The following TRAF3 variants were observed in gnomAD, a reference collection of about 807,000 sequenced individuals.
TRAF3 encodes TNF receptor associated factor 3.
A neutral mutation model predicts 62.3 loss-of-function variants in TRAF3; 13 were observed. That is an observed-to-expected ratio of 0.21 (90% CI 0.14 to 0.33). The LOEUF is 0.33. TRAF3 is among the 10% of genes least tolerant of loss of function. The probability of loss-of-function intolerance (pLI) is 1.00; values close to 1 mark genes in which losing one functional copy is unlikely to be tolerated. For missense variants in TRAF3, 440 were observed against 741.8 expected, an observed-to-expected ratio of 0.59 and a Z score of 4.73; for synonymous variants, 269 against 283.4, an observed-to-expected ratio of 0.95 and a Z score of 0.51.
At chr14:102,788,833 G>A (rs1226489130) in intron 1 of TRAF3, among the ~76,000 whole-genome samples, 3 of 151,782 alleles carry the variant, frequency 2.0e-5, no homozygotes, top group Non-Finnish European at 4.4e-5. Flanking sequence ...TGGGCACAGT[G>A]GCTTGAGCCT....
intron 2 of TRAF3, among the ~76,000 whole-genome samples, chr14:102,838,217 A>C (rs1241514644): frequency 6.6e-6 from 1 of 152,262 alleles, no homozygotes; most frequent in Non-Finnish European, 1.5e-5. Flanking sequence ...TTAATAACTA[A>C]GACCAAATGC....
At chr14:102,838,715 G>C (rs914847937) in intron 2 of TRAF3, among the ~76,000 whole-genome samples, 1 of 152,202 alleles carries the variant, frequency 6.6e-6, no homozygotes, top group African/African-American at 2.4e-5. Context: ...TGGTGAGGGA[G>C]GGGATGCTGA....
chr14:102,859,229 C>T (rs1392801650), intron 2 of TRAF3, among the ~76,000 whole-genome samples: 2 of 149,826 alleles, frequency 1.3e-5, no homozygotes, highest in Non-Finnish European at 3.0e-5. Flanking sequence ...ATGTCTCCTT[C>T]TCTTTTACCA....
chr14:102,888,186 T>G (rs936866569), intron 7 of TRAF3, among the ~76,000 whole-genome samples: 1 of 152,212 alleles, frequency 6.6e-6, no homozygotes, highest in Non-Finnish European at 1.5e-5. Flanking sequence ...GAAGAATACA[T>G]TCCAAGTTTT....
intron 2 of TRAF3, among the ~76,000 whole-genome samples, chr14:102,865,007 G>C (rs1006979481): frequency 1.3e-5 from 2 of 152,196 alleles, no homozygotes; most frequent in African/African-American, 4.8e-5. Flanking sequence ...GGACAGGTAA[G>C]TGTTTATATC....
In TRAF3 at chr14:102,839,647, G is replaced by A. The variant is rs1197808040; in HGVS notation, c.-18+9175G>A. Among the ~76,000 whole-genome samples the A allele has an allele frequency of 3.3e-5, 5 of 152,238 alleles. No individual in the cohort carries two copies. In the South Asian group the frequency reaches 6.2e-4, roughly 19 times the overall value. On this transcript the variant is annotated intron_variant, in intron 2 of 11. Transcript: ENST00000392745. Reference sequence around the variant, plus strand: ...GTCTACCTCATACTGTCAGTGTGTCGCCCAGATACTATATAATTACTCAGT... The same window carrying A: ...GTCTACCTCATACTGTCAGTGTGTCACCCAGATACTATATAATTACTCAGT...
chr14:102,893,668 T>A (rs1032463448), intron 9 of TRAF3, among the ~76,000 whole-genome samples: 2 of 152,142 alleles, frequency 1.3e-5, no homozygotes, highest in African/African-American at 4.8e-5. Flanking sequence ...TGTCAATGCC[T>A]CATGTGTTTA....
chr14:102,853,218 G>A (rs1055693066), intron 2 of TRAF3, among the ~76,000 whole-genome samples: 2 of 151,542 alleles, frequency 1.3e-5, no homozygotes, highest in African/African-American at 4.8e-5. Flanking sequence ...TTTTTTAGAG[G>A]CTGACTGAGT....
chr14:102,881,378 C>T (rs183947753), intron 6 of TRAF3, among the ~76,000 whole-genome samples: 16 of 146,224 alleles, frequency 1.1e-4, no homozygotes, highest in Non-Finnish European at 1.8e-4. Context: ...AGCAAGACTC[C>T]GTCTCAACAA....
At chr14:102,861,815 T>C (rs1351073448) in intron 2 of TRAF3, among the ~76,000 whole-genome samples, 1 of 152,230 alleles carries the variant, frequency 6.6e-6, no homozygotes, top group Admixed American at 6.5e-5. Context: ...TGGACATCTT[T>C]TTATGCGCTT....
chr14:102,870,378 G>T lies in TRAF3; in HGVS notation c.177G>T (p.Val59=). The change falls in exon 3 of 12, where the codon GTG becomes GTT. Residue 59 remains valine, a synonymous_variant. Coordinates refer to ENST00000392745, the MANE Select transcript of TRAF3 (RefSeq NM_145725.3). The part of the protein sequence containing the change: ...DKYKCEKCHL[V]LCSPKQTECG... ...ACAAGTGTGAGAAGTGCCACCTGGT[G>T]CTGTGCAGCCCGAAGCAGACCGAGT... 6.2e-7 allele frequency: 1 copy of T among 1,614,208 alleles called. No individual in the cohort carries two copies.
chr14:102,808,197 G>A (rs924710766), intron 1 of TRAF3, among the ~76,000 whole-genome samples: 4 of 152,082 alleles, frequency 2.6e-5, no homozygotes, highest in South Asian at 2.1e-4. Flanking sequence ...CCTAAGTTTC[G>A]CAATGGAGAT....
chr14:102,859,213 A>G (rs2139771662), intron 2 of TRAF3, among the ~76,000 whole-genome samples: 1 of 150,726 alleles, frequency 6.6e-6, no homozygotes, highest in Non-Finnish European at 1.5e-5. Flanking sequence ...AAAAATCCAC[A>G]TTCACATGTC....
intron 1 of TRAF3, among the ~76,000 whole-genome samples, chr14:102,805,577 C>G (rs779088448): frequency 6.6e-6 from 1 of 152,170 alleles, no homozygotes; most frequent in Non-Finnish European, 1.5e-5. Context: ...GTTGGGTTCT[C>G]CTCCCTGCTG....
intron 1 of TRAF3, among the ~76,000 whole-genome samples, chr14:102,797,301 G>A (rs1339200436): frequency 6.6e-6 from 1 of 152,180 alleles, no homozygotes; most frequent in African/African-American, 2.4e-5. Flanking sequence ...GAAAAAATTG[G>A]TCTGAGAGGC....
At chr14:102,876,789 C>T (rs948816217) in intron 6 of TRAF3, 14 of 472,752 alleles carry the variant, frequency 3.0e-5, no homozygotes, top group Middle Eastern at 6.3e-4. Flanking sequence ...ACAGATAATC[C>T]GTTCCACAAG....
intron 1 of TRAF3, among the ~76,000 whole-genome samples, chr14:102,778,914 C>T (rs1421357216): frequency 6.6e-6 from 1 of 152,166 alleles, no homozygotes; most frequent in Non-Finnish European, 1.5e-5. Context: ...TGTAGGATGT[C>T]TGGCAAAATA....
At position 102,886,230 on chromosome 14, in the gene TRAF3, C is replaced by T. The variant is rs2139916881; in HGVS notation, c.612C>T (p.Cys204=). The stretch of plus-strand genomic sequence containing the variant: ...ACTGTCCCTGCGTGGTGGTGTCCTG[C>T]CCTCACAAGTGCAGCGTCCAGACTC... ...DTDCPCVVVS[C]PHKCSVQTLL... Residue 204 remains cysteine, a synonymous_variant, in exon 7 of 12, where the codon TGC becomes TGT. Transcript: ENST00000392745. 6.2e-7 allele frequency: 1 copy of T among 1,612,884 alleles called. No homozygotes were observed. Among genetic ancestry groups the T allele is most frequent in the Non-Finnish European group, 8.5e-7 (1 of 1,179,728 alleles).
intron 2 of TRAF3, among the ~76,000 whole-genome samples, chr14:102,866,405 A>T (rs1282335784): frequency 6.6e-6 from 1 of 152,200 alleles, no homozygotes; most frequent in Non-Finnish European, 1.5e-5. Flanking sequence ...CCTAGAACTT[A>T]AAGTATAATA....
Sources: gnomAD v4.1 joint callset for allele counts (sites outside exome capture counted in the v4.1 genomes callset) on GRCh38, gnomAD v4.1.1 for gene constraint, MANE v1.5 for transcripts, NCBI Gene and HGNC (gene_info 2026-07-23, HGNC 2026-07-21) for gene names.